The following CADM2 variants were observed in gnomAD, a reference collection of about 807,000 sequenced individuals.
CADM2 encodes cell adhesion molecule 2.
In CADM2, 12 loss-of-function variants were observed where a neutral mutation model predicts 49.8. The ratio of observed to expected loss-of-function variants is 0.24; its 90% CI spans 0.15 to 0.39. The LOEUF (loss-of-function observed/expected upper bound fraction) is 0.39. Among genes scored for constraint, CADM2 ranks in the 10% least tolerant of loss-of-function variants. The pLI is 1.00. For missense variants in CADM2, 378 were observed against 492.3 expected (o/e 0.77, Z 2.20); for synonymous variants, 214 against 175.4 (o/e 1.22, Z -1.74).
chr3:85,559,674 AC>A (rs59923447), intron 1 of CADM2, among the ~76,000 whole-genome samples: 31,281 of 127,024 alleles, frequency 0.25, 3,838 homozygotes, highest in East Asian at 0.44. Flanking sequence ...ACACACACAC[AC>A]ACACACACAC....
chr3:85,793,885 C>T (rs987469579), intron 2 of CADM2, among the ~76,000 whole-genome samples: 3 of 152,174 alleles, frequency 2.0e-5, no homozygotes, highest in African/African-American at 7.2e-5. Flanking sequence ...ATTTATTGGA[C>T]AAGGAAGAAA....
chr3:85,362,298 A>T (rs2032416592), intron 1 of CADM2, among the ~76,000 whole-genome samples: 1 of 152,316 alleles, frequency 6.6e-6, no homozygotes, highest in South Asian at 2.1e-4. Context: ...ATAAAAGAGG[A>T]AGTCTCTTTT....
At chr3:85,293,076 A>G (rs2043849041) in intron 1 of CADM2, among the ~76,000 whole-genome samples, 1 of 152,234 alleles carries the variant, frequency 6.6e-6, no homozygotes, top group Admixed American at 6.5e-5. Context: ...GAAGAATCAA[A>G]TAGACATAAT....
chr3:85,815,125 T>C (rs1164229507), intron 3 of CADM2, among the ~76,000 whole-genome samples: 1 of 151,930 alleles, frequency 6.6e-6, no homozygotes, highest in Admixed American at 6.6e-5. Context: ...ACTGAAAAAG[T>C]CCAGAACCAG....
chr3:85,568,469 C>CTTTCTTTCTT (rs374134738), intron 1 of CADM2, among the ~76,000 whole-genome samples: 237 of 11,072 alleles, frequency 0.021, 21 homozygotes, highest in African/African-American at 0.028. Context: ...CTTTCTCTTT[C>CTTTCTTTCTT]TCTCTCTTTC....
Position 85,252,243 on chromosome 3 carries a change from C to T in CADM2, c.61+292575C>T, listed in dbSNP as rs9876453. Among the ~76,000 whole-genome samples, 744 of 152,018 alleles carry T rather than the reference C, an allele frequency of 4.9e-3. 5 individuals carry two copies. Among genetic ancestry groups the T allele is most frequent in the Middle Eastern group, 0.024 (7 of 294 alleles). ...AAATTACTTATGTTAACAAACAGCA[C>T]AATTACTTTGACATACACTCAGGGA... On this transcript the variant is annotated intron_variant, in intron 1 of 9. Coordinates refer to ENST00000383699, the MANE Select transcript of CADM2 (RefSeq NM_001167675.2).
chr3:85,068,807 A>G lies in CADM2; in HGVS notation c.61+109139A>G, dbSNP rs112265997. Reference sequence around the variant, plus strand: ...TTTTTTTTTTGCTTTTGGTTTTTGTACCTAGCATTTGTTCAAATAACTTTT... The same window carrying G: ...TTTTTTTTTTGCTTTTGGTTTTTGTGCCTAGCATTTGTTCAAATAACTTTT... On this transcript the variant is annotated intron_variant, in intron 1 of 9. Transcript: ENST00000383699. Among the ~76,000 whole-genome samples the G allele has an allele frequency of 7.5e-3, 1,125 of 150,084 alleles. 15 individuals carry two copies. The highest frequency in any genetic ancestry group is 0.025 in the African/African-American group (1,022 of 40,354).
chr3:85,051,191 C>G (rs901036939), intron 1 of CADM2, among the ~76,000 whole-genome samples: 1 of 152,086 alleles, frequency 6.6e-6, no homozygotes, highest in African/African-American at 2.4e-5. Flanking sequence ...TTAAGTGACT[C>G]TAAATATAGT....
chr3:85,473,958 AAT>A (rs2038874330), intron 1 of CADM2, among the ~76,000 whole-genome samples: 1 of 152,020 alleles, frequency 6.6e-6, no homozygotes, highest in African/African-American at 2.4e-5. Flanking sequence ...TTATTTATAA[AAT>A]ATGATTAAAT....
At chr3:85,690,809 A>T (rs1248270985) in intron 1 of CADM2, among the ~76,000 whole-genome samples, 1 of 152,188 alleles carries the variant, frequency 6.6e-6, no homozygotes, top group Non-Finnish European at 1.5e-5. Flanking sequence ...AAATACTTGT[A>T]CATATTTATG....
intron 8 of CADM2, among the ~76,000 whole-genome samples, chr3:86,055,591 T>C (rs957077042): frequency 4.0e-5 from 6 of 151,022 alleles, no homozygotes; most frequent in African/African-American, 1.5e-4. Context: ...CTCAGCCTCC[T>C]GAGTAGCTGA....
chr3:85,724,168 A>T (rs2067604460), intron 1 of CADM2, among the ~76,000 whole-genome samples: 1 of 152,044 alleles, frequency 6.6e-6, no homozygotes, highest in South Asian at 2.1e-4. Flanking sequence ...GATTTTAAAG[A>T]TATGAAGAAT....
At chr3:85,079,867 A>T (rs1244837009) in intron 1 of CADM2, among the ~76,000 whole-genome samples, 2 of 151,912 alleles carry the variant, frequency 1.3e-5, no homozygotes, top group Non-Finnish European at 2.9e-5. Context: ...CGCAAAATAA[A>T]CATCATCACT....
At chr3:85,712,036 T>C (rs891628405) in intron 1 of CADM2, among the ~76,000 whole-genome samples, 3 of 152,172 alleles carry the variant, frequency 2.0e-5, no homozygotes, top group Non-Finnish European at 4.4e-5. Context: ...AGAATGTATT[T>C]CTGTACTTGA....
At chr3:85,245,461 G>A (rs2042625204) in intron 1 of CADM2, among the ~76,000 whole-genome samples, 1 of 151,228 alleles carries the variant, frequency 6.6e-6, no homozygotes, top group Admixed American at 6.6e-5. Context: ...GCAGTGAGCC[G>A]AGATTGCACC....
chr3:85,229,961 A>G (rs1278714091), intron 1 of CADM2, among the ~76,000 whole-genome samples: 12 of 152,188 alleles, frequency 7.9e-5, no homozygotes, highest in South Asian at 2.1e-4. Flanking sequence ...TTTGTAAGAT[A>G]ACTTGTGTTA....
At chr3:85,358,022 A>G (rs60195286) in intron 1 of CADM2, among the ~76,000 whole-genome samples, 5,803 of 152,238 alleles carry the variant, frequency 0.038, 375 homozygotes, top group African/African-American at 0.13. Context: ...ATGTATTTGT[A>G]TGGATACTGA....
chr3:85,910,389 C>T (rs1339397848), intron 5 of CADM2, among the ~76,000 whole-genome samples: 1 of 151,936 alleles, frequency 6.6e-6, no homozygotes, highest in East Asian at 1.9e-4. Context: ...ATCTATGAGA[C>T]TGAAAAGTGA....
intron 1 of CADM2, among the ~76,000 whole-genome samples, chr3:85,322,504 A>G (rs2044640530): frequency 6.6e-6 from 1 of 152,180 alleles, no homozygotes; most frequent in South Asian, 2.1e-4. Flanking sequence ...GCCTGATGAC[A>G]CAAAGTATTT....
Sources: allele counts gnomAD v4.1 joint callset (sites outside exome capture counted in the v4.1 genomes callset), GRCh38; gene constraint gnomAD v4.1.1; transcripts MANE v1.5; gene names NCBI Gene and HGNC (gene_info 2026-07-23, HGNC 2026-07-21).